STK32B: variants seen among roughly 807,000 people sequenced by gnomAD.
The protein encoded by STK32B is serine/threonine kinase 32B, also known as serine/threonine-protein kinase 32B.
A neutral mutation model predicts 52.6 loss-of-function variants in STK32B; 43 were observed. The ratio of observed to expected loss-of-function variants is 0.82; its 90% confidence interval spans 0.64 to 1.05. STK32B has a LOEUF of 1.05. Ranked by LOEUF, STK32B falls within the 50% of genes least tolerant of loss-of-function variation. The pLI is 0.00. For synonymous variants in STK32B, 238 were observed against 204.3 expected (o/e 1.17, Z -1.41); for missense variants, 621 against 534.6 (o/e 1.16, Z -1.59).
chr4:5,102,436 GCTTC>G (rs201942952), intron 1 of STK32B, among the ~76,000 whole-genome samples: 5,317 of 105,044 alleles, frequency 0.051, 228 homozygotes, highest in African/African-American at 0.084. Flanking sequence ...CTCCTTCCTT[GCTTC>G]CTTCCTTCCT....
intron 6 of STK32B, among the ~76,000 whole-genome samples, chr4:5,428,732 C>G (rs907510674): frequency 2.0e-5 from 3 of 152,160 alleles, no homozygotes; most frequent in Admixed American, 6.5e-5. Context: ...ATATCAATTA[C>G]TAAGATGTAA....
At chr4:5,243,304 A>G (rs1190483690) in intron 3 of STK32B, among the ~76,000 whole-genome samples, 1 of 152,062 alleles carries the variant, frequency 6.6e-6, no homozygotes, top group African/African-American at 2.4e-5. Flanking sequence ...GTCCCTTGTA[A>G]GTTGGATTCC....
chr4:5,465,783 C>T (rs1476793174), intron 9 of STK32B, among the ~76,000 whole-genome samples: 1 of 152,174 alleles, frequency 6.6e-6, no homozygotes, highest in Non-Finnish European at 1.5e-5. Context: ...GGCTGTGCCT[C>T]GCCTCTCTCC....
intron 4 of STK32B, among the ~76,000 whole-genome samples, chr4:5,352,140 C>T (rs771087842): frequency 6.6e-6 from 1 of 151,940 alleles, no homozygotes; most frequent in Non-Finnish European, 1.5e-5. Flanking sequence ...AAGGATACAG[C>T]AACAAAAGAA....
chr4:5,455,490 A>T (rs1716422066), intron 7 of STK32B, among the ~76,000 whole-genome samples: 1 of 152,124 alleles, frequency 6.6e-6, no homozygotes, highest in Non-Finnish European at 1.5e-5. Flanking sequence ...TTCATTCCCA[A>T]CTCTGGCATC....
In STK32B at chr4:5,423,136, CAT is replaced by C. The variant is rs1712785583; in HGVS notation, c.562+6204_562+6205del. ...TGCTGGAGACCACTATGATCAGACT[CAT>C]AGGATTAGGGCCTCAAGGGTGGTGA... On this transcript the variant is annotated intron_variant, in intron 6 of 11. Coordinates refer to ENST00000282908, the MANE Select transcript of STK32B (RefSeq NM_018401.3). 3.3e-5 allele frequency among the ~76,000 whole-genome samples: 5 copies of C among 152,176 alleles called. No individual in the cohort carries two copies. The South Asian group carries it at 1.0e-3, about 32-fold the overall frequency.
chr4:5,372,046 T>C lies in STK32B; in HGVS notation c.435-26161T>C, dbSNP rs531616197. Among the ~76,000 whole-genome samples, 261 of 152,348 alleles carry C rather than the reference T, an allele frequency of 1.7e-3. 1 individual carries two copies. The highest frequency in any genetic ancestry group is 5.1e-3 in the African/African-American group (213 of 41,586). On this transcript the variant is annotated intron_variant, in intron 4 of 11. Transcript: ENST00000282908. ...ATGTGGGCTGCATTGGTCACACTCA[T>C]GCCTGCAGGCAGGCGAGCAGATACA... is the stretch of plus-strand genomic sequence containing the variant.
intron 1 of STK32B, among the ~76,000 whole-genome samples, chr4:5,096,965 A>C (rs1484463593): frequency 1.3e-5 from 2 of 152,168 alleles, no homozygotes; most frequent in Admixed American, 6.5e-5. Flanking sequence ...AGGTAAGACT[A>C]TTTATTCTTC....
rs529939516 is a variant in STK32B, at chr4:5,396,905, G to A, written c.435-1302G>A. 2.6e-5 allele frequency among the ~76,000 whole-genome samples: 4 copies of A among 152,246 alleles called. No individual in the cohort carries two copies. In the South Asian group the frequency reaches 8.3e-4, roughly 32 times the overall value. On this transcript the variant is annotated intron_variant, in intron 4 of 11. Transcript: ENST00000282908. The surrounding 1 kb of genome is among the most constrained non-coding windows in gnomAD (Gnocchi z 4.7). ...TTCTCAAGTTCATCCCTCCCATGTGGCTCCCTACGGGTCTCTGCGGTAATC... is the reference window on the plus strand; with the variant it reads ...TTCTCAAGTTCATCCCTCCCATGTGACTCCCTACGGGTCTCTGCGGTAATC...
intron 3 of STK32B, among the ~76,000 whole-genome samples, chr4:5,254,996 G>T (rs1434043809): frequency 7.0e-6 from 1 of 142,684 alleles, no homozygotes; most frequent in Non-Finnish European, 1.5e-5. Flanking sequence ...AGCATCTTAT[G>T]CACATGAGGC....
Position 5,327,895 on chromosome 4 carries a change from T to G in STK32B, c.261-3325T>G, listed in dbSNP as rs142034448. ...AAGCTATTTGCTATTTTATCTACTT[T>G]GAAAATCTCCTGTTTGGTGTATTCA... On this transcript the variant is annotated intron_variant, in intron 3 of 11. Coordinates refer to ENST00000282908, the MANE Select transcript of STK32B (RefSeq NM_018401.3). Among the ~76,000 whole-genome samples the G allele has an allele frequency of 2.6e-5, 4 of 152,366 alleles. No individual in the cohort carries two copies. The East Asian group carries it at 7.7e-4, about 29-fold the overall frequency.
At chr4:5,408,618 A>C (rs1378070618) in intron 5 of STK32B, among the ~76,000 whole-genome samples, 1 of 152,116 alleles carries the variant, frequency 6.6e-6, no homozygotes, top group East Asian at 1.9e-4. Context: ...AGTGAAGGAC[A>C]ATCCTTCCCT....
intron 3 of STK32B, among the ~76,000 whole-genome samples, chr4:5,218,019 A>AT (rs149181107): frequency 0.086 from 13,063 of 151,970 alleles, 774 homozygotes; most frequent in Admixed American, 0.19. Context: ...TACTCTTGGT[A>AT]TTTTTTTCCT....
At chr4:5,023,426 C>T in the STK32B span, among the ~76,000 whole-genome samples, 8 of 152,326 alleles carry the variant, frequency 5.3e-5, no homozygotes, top group South Asian at 2.1e-4. Context: ...TGCTTGCATA[C>T]GTCCCTGGAC....
chr4:5,431,706 A>G (rs1253545391), intron 6 of STK32B, among the ~76,000 whole-genome samples: 1 of 152,180 alleles, frequency 6.6e-6, no homozygotes, highest in African/African-American at 2.4e-5. Flanking sequence ...TTTCTTGCAT[A>G]CTTTAGTGAA....
chr4:5,268,536 GTGGTGTGT>G (rs925026673), intron 3 of STK32B, among the ~76,000 whole-genome samples: 12 of 131,526 alleles, frequency 9.1e-5, no homozygotes, highest in Non-Finnish European at 1.4e-4. Context: ...GTTGCTTGGT[GTGGTGTGT>G]GTGTGTGTGT....
intron 6 of STK32B, among the ~76,000 whole-genome samples, chr4:5,418,797 A>AC (rs1712379946): frequency 6.6e-6 from 1 of 152,166 alleles, no homozygotes; most frequent in Non-Finnish European, 1.5e-5. Context: ...AAACAACCAA[A>AC]ATCTTTCTTC....
intron 3 of STK32B, among the ~76,000 whole-genome samples, chr4:5,319,568 C>T (rs778859102): frequency 9.5e-5 from 13 of 136,660 alleles, no homozygotes; most frequent in African/African-American, 3.9e-4. Flanking sequence ...CTCTCCAGCA[C>T]GCACCCAGGC....
At chr4:5,488,431 T>C (rs1178773842) in intron 11 of STK32B, among the ~76,000 whole-genome samples, 1 of 152,222 alleles carries the variant, frequency 6.6e-6, no homozygotes, top group Non-Finnish European at 1.5e-5. Flanking sequence ...CATTTTTTAT[T>C]TAAATATAGG....
Sources: gnomAD v4.1 joint callset for allele counts (sites outside exome capture counted in the v4.1 genomes callset) on GRCh38, gnomAD v4.1.1 for gene constraint, Gnocchi (gnomAD v3.1) non-coding constraint, MANE v1.5 for transcripts, NCBI Gene and HGNC (gene_info 2026-07-23, HGNC 2026-07-21) for gene names.